FRMD4B: variants seen among roughly 807,000 people sequenced by gnomAD.
The protein encoded by FRMD4B is FERM domain containing 4B.
Under a neutral mutation model 141.5 loss-of-function variants are expected in FRMD4B, and 74 were observed. The observed-to-expected ratio is 0.52, with a 90% CI of 0.43 to 0.63. The LOEUF (loss-of-function observed/expected upper bound fraction) is 0.63, where lower values mean the gene tolerates loss of function less well. Among genes scored for constraint, FRMD4B ranks in the 30% least tolerant of loss-of-function variants. FRMD4B has a pLI of 0.00. For synonymous variants in FRMD4B, 506 were observed against 467.9 expected, an observed-to-expected ratio of 1.08 and a Z score of -1.05; for missense variants, 1,366 against 1,253.4, an observed-to-expected ratio of 1.09 and a Z score of -1.36.
At chr3:69,393,063 T>A (rs1184128069) in intron 2 of FRMD4B, among the ~76,000 whole-genome samples, 1 of 152,106 alleles carries the variant, frequency 6.6e-6, no homozygotes, top group Non-Finnish European at 1.5e-5. Context: ...GCTGCTTAAC[T>A]CTCTGCAGCT....
chr3:69,303,809 C>T (rs1701297787), intron 3 of FRMD4B, among the ~76,000 whole-genome samples: 1 of 152,080 alleles, frequency 6.6e-6, no homozygotes, highest in African/African-American at 2.4e-5. Context: ...TGGTGCATGC[C>T]TGTTGTCCCA....
chr3:69,187,376 T>C lies in FRMD4B; in HGVS notation c.1919+394A>G, dbSNP rs1351362242. On this transcript the variant is annotated intron_variant, in intron 19 of 22. Coordinates refer to ENST00000398540, the MANE Select transcript of FRMD4B (RefSeq NM_015123.3). ...CCCGGACCAACATGGAGAAACCCCG[T>C]CTCTCCTAAAAATACAAAATTAGCT... 3.3e-5 allele frequency among the ~76,000 whole-genome samples: 5 copies of C among 151,494 alleles called. No homozygotes were observed. In the South Asian group the frequency reaches 8.4e-4, roughly 26 times the overall value.
intron 5 of FRMD4B, among the ~76,000 whole-genome samples, chr3:69,272,451 C>A (rs142394107): frequency 6.6e-6 from 1 of 152,182 alleles, no homozygotes; most frequent in African/African-American, 2.4e-5. Flanking sequence ...TAAGCCACTG[C>A]GCCCAGCCCA....
rs573354079 is a variant in FRMD4B at position 69,356,364 on chromosome 3, A to G, written c.162+29464T>C. On this transcript the variant is annotated intron_variant, in intron 1 of 22. Coordinates refer to ENST00000398540, the MANE Select transcript of FRMD4B (RefSeq NM_015123.3). ...TGCCGCTGTGGCCAGAATATAAAGCAGGCAGAAAAATGTGAAAAGACAAGA... is the reference window on the plus strand; with the variant it reads ...TGCCGCTGTGGCCAGAATATAAAGCGGGCAGAAAAATGTGAAAAGACAAGA... Among the ~76,000 whole-genome samples the G allele has an allele frequency of 7.6e-4, 115 of 152,218 alleles. 1 individual carries two copies. Among genetic ancestry groups the G allele is most frequent in the African/African-American group, 2.0e-3 (83 of 41,540 alleles).
chr3:69,280,643 C>T (rs147304068), intron 5 of FRMD4B, among the ~76,000 whole-genome samples: 1 of 152,282 alleles, frequency 6.6e-6, no homozygotes, highest in Non-Finnish European at 1.5e-5. Flanking sequence ...GAGTCCATGA[C>T]GTTAACCACC....
chr3:69,290,235 A>G (rs929775910), intron 4 of FRMD4B, among the ~76,000 whole-genome samples: 3 of 152,192 alleles, frequency 2.0e-5, no homozygotes, highest in Non-Finnish European at 4.4e-5. Context: ...TTTATACTGC[A>G]TGATGAATGA....
chr3:69,429,177 G>T (rs1009332652), intron 2 of FRMD4B, among the ~76,000 whole-genome samples: 2 of 152,080 alleles, frequency 1.3e-5, no homozygotes, highest in Non-Finnish European at 2.9e-5. Flanking sequence ...CATACAAATT[G>T]CACCCATAAT....
chr3:69,183,915 AGATG>A (rs2092737580), intron 19 of FRMD4B, among the ~76,000 whole-genome samples: 1 of 151,996 alleles, frequency 6.6e-6, no homozygotes, highest in Non-Finnish European at 1.5e-5. Flanking sequence ...TCTTTTTTTT[AGATG>A]GAGTCTCGCT....
chr3:69,192,452 A>C lies in FRMD4B; in HGVS notation c.1714+1196T>G, dbSNP rs111288320. ...TTTCATAGATGTTAAAATGTAAAGG[A>C]AAAAATGTCTTAGAATCAAAGAAAT... On this transcript the variant is annotated intron_variant, in intron 17 of 22. Transcript: ENST00000398540. Among the ~76,000 whole-genome samples, 335 of 152,304 alleles carry C rather than the reference A, an allele frequency of 2.2e-3. 2 individuals carry two copies. The highest frequency in any genetic ancestry group is 7.6e-3 in the African/African-American group (317 of 41,560).
chr3:69,468,826 G>A (rs1328282999), intron 1 of FRMD4B, among the ~76,000 whole-genome samples: 1 of 152,170 alleles, frequency 6.6e-6, no homozygotes, highest in Non-Finnish European at 1.5e-5. Flanking sequence ...TGGACTTGCT[G>A]TTCTGAGAGT....
intron 1 of FRMD4B, among the ~76,000 whole-genome samples, chr3:69,446,991 G>A (rs1027068427): frequency 3.9e-5 from 6 of 152,164 alleles, no homozygotes; most frequent in African/African-American, 1.2e-4. Flanking sequence ...GAAGCAGGTA[G>A]AGTTTTTTTT....
chr3:69,362,714 A>AAC (rs1703506767), intron 1 of FRMD4B, among the ~76,000 whole-genome samples: 2 of 147,564 alleles, frequency 1.4e-5, no homozygotes, highest in African/African-American at 2.5e-5. Context: ...CCCCCCCAAA[A>AAC]AAACAAACAA....
At position 69,532,310 on chromosome 3, in the gene FRMD4B, T is replaced by C. The variant is rs371106905; in HGVS notation, c.-129+9896A>G. On this transcript the variant is annotated intron_variant, in intron 1 of 5. Transcript: ENST00000459638. ...AATACCACTTTTACTGCATGACAAA[T>C]AATTATACTGAAACTTTCCACTGAT... Among the ~76,000 whole-genome samples, 4 of 152,328 alleles carry C rather than the reference T, an allele frequency of 2.6e-5. No homozygotes were observed. The East Asian group carries it at 5.8e-4, about 22-fold the overall frequency.
intron 1 of FRMD4B, among the ~76,000 whole-genome samples, chr3:69,366,097 A>ACACACT (rs1442700105): frequency 6.6e-6 from 1 of 151,378 alleles, no homozygotes; most frequent in Non-Finnish European, 1.5e-5. Context: ...ACACACACAC[A>ACACACT]CACACACACA....
intron 1 of FRMD4B, among the ~76,000 whole-genome samples, chr3:69,342,857 G>A (rs1038300723): frequency 6.6e-6 from 1 of 152,100 alleles, no homozygotes; most frequent in Non-Finnish European, 1.5e-5. Flanking sequence ...TATTCCTCCT[G>A]TCTAGCTGTA....
Position 69,408,105 on chromosome 3 carries a change from T to C in FRMD4B, c.-1+24529A>G, listed in dbSNP as rs934842153. Among the ~76,000 whole-genome samples the C allele has an allele frequency of 5.9e-5, 9 of 152,228 alleles. No individual in the cohort carries two copies. In the East Asian group the frequency reaches 1.7e-3, roughly 29 times the overall value. On this transcript the variant is annotated intron_variant, in intron 2 of 5. Transcript: ENST00000459638. The stretch of plus-strand genomic sequence containing the variant: ...TGGCACAGCTGCGTGCCAATAAAAC[T>C]TTATTTACAAAACAGGCCATGGCCA...
At chr3:69,465,404 A>G (rs7626971) in intron 1 of FRMD4B, among the ~76,000 whole-genome samples, 4,610 of 151,964 alleles carry the variant, frequency 0.03, 247 homozygotes, top group African/African-American at 0.11. Flanking sequence ...TTTCTTTAAA[A>G]TTATTATTAT....
chr3:69,487,696 C>T (rs559092512), intron 1 of FRMD4B, among the ~76,000 whole-genome samples: 1 of 152,268 alleles, frequency 6.6e-6, no homozygotes, highest in East Asian at 1.9e-4. Context: ...TCCAGGAAGA[C>T]TTTTGGAACC....
intron 2 of FRMD4B, among the ~76,000 whole-genome samples, chr3:69,430,282 C>A (rs1243218155): frequency 1.3e-5 from 2 of 152,314 alleles, no homozygotes; most frequent in Admixed American, 1.3e-4. Flanking sequence ...CACAATCCAG[C>A]ACCTCAAGGG....
Sources: allele counts gnomAD v4.1 joint callset (sites outside exome capture counted in the v4.1 genomes callset), GRCh38; gene constraint gnomAD v4.1.1; transcripts MANE v1.5; gene names NCBI Gene and HGNC (gene_info 2026-07-23, HGNC 2026-07-21).